The following ATRX variants were observed in gnomAD, a reference collection of about 807,000 sequenced individuals.
ATRX encodes chromatin remodeler ATRX.
Under a neutral mutation model 172.6 loss-of-function variants are expected in ATRX, and 12 were observed. The ratio of observed to expected loss-of-function variants is 0.07; its 90% confidence interval spans 0.04 to 0.11. ATRX has a LOEUF of 0.11. ATRX is among the 10% of genes least tolerant of loss of function. ATRX has a pLI of 1.00. For synonymous variants in ATRX, 674 were observed against 594.7 expected (o/e 1.13, Z -1.94); for missense variants, 1,368 against 1,767.4 (o/e 0.77, Z 4.05).
At chrX:77,721,260 C>G (rs1219644105) in intron 1 of ATRX, among the ~76,000 whole-genome samples, 1 of 111,503 alleles carries the variant, frequency 9.0e-6, no homozygotes, top group Non-Finnish European at 1.9e-5. Context: ...CCTTTGAAAC[C>G]CGGTACAAGA....
chrX:77,725,523 A>G (rs1255634700), intron 1 of ATRX, among the ~76,000 whole-genome samples: 1 of 112,051 alleles, frequency 8.9e-6, no homozygotes, highest in Non-Finnish European at 1.9e-5. Flanking sequence ...AAAACCCTAG[A>G]AGAAAACCTA....
intron 19 of ATRX, among the ~76,000 whole-genome samples, chrX:77,625,943 A>G (rs1231464896): frequency 9.7e-6 from 1 of 103,532 alleles, no homozygotes; most frequent in Admixed American, 1.1e-4. Flanking sequence ...GCACATGCAT[A>G]TTTATAGCAG....
intron 15 of ATRX, among the ~76,000 whole-genome samples, chrX:77,643,053 A>C (rs2068732803): frequency 8.9e-6 from 1 of 112,069 alleles, no homozygotes; most frequent in African/African-American, 3.3e-5. Flanking sequence ...ACCTACCAGA[A>C]GGTGAAGGTT....
chrX:77,627,336 TTCA>T (rs1266357403), intron 19 of ATRX, among the ~76,000 whole-genome samples: 4 of 112,524 alleles, frequency 3.6e-5, no homozygotes, highest in Non-Finnish European at 3.8e-5. Flanking sequence ...AAACATGTTA[TTCA>T]TCATATTAAA....
chrX:77,640,236 C>T lies in ATRX; in HGVS notation c.4558-4180G>A, dbSNP rs187526427. Among the ~76,000 whole-genome samples the T allele has an allele frequency of 6.3e-5, 7 of 111,370 alleles. No individual in the cohort carries two copies. In the East Asian group the frequency reaches 1.4e-3, roughly 22 times the overall value. ...CTATTGGGTACTATGTTCACTACCA[C>T]GGTGATGGGATCCACATCCCAAACC... is the stretch of plus-strand genomic sequence containing the variant. On this transcript the variant is annotated intron_variant, in intron 15 of 34. Transcript: ENST00000373344.
At chrX:77,610,406 T>C (rs1602808337) in intron 22 of ATRX, among the ~76,000 whole-genome samples, 1 of 111,935 alleles carries the variant, frequency 8.9e-6, no homozygotes, top group African/African-American at 3.2e-5. Context: ...CTGGAAGATA[T>C]GTCAGAATAT....
intron 30 of ATRX, among the ~76,000 whole-genome samples, chrX:77,527,465 A>G (rs1557044228): frequency 8.9e-6 from 1 of 112,163 alleles, no homozygotes; most frequent in East Asian, 2.8e-4. Flanking sequence ...CGCTTCTCCC[A>G]TGGATCTTTG....
At chrX:77,571,692 T>C (rs1557067481) in intron 28 of ATRX, among the ~76,000 whole-genome samples, 1 of 111,629 alleles carries the variant, frequency 9.0e-6, no homozygotes, top group Non-Finnish European at 1.9e-5. Flanking sequence ...TGAAACACTG[T>C]CAACTTCTTA....
chrX:77,605,307 A>G lies in ATRX; in HGVS notation c.5567-4743T>C, dbSNP rs1445793061. 2.7e-5 allele frequency among the ~76,000 whole-genome samples: 3 copies of G among 111,130 alleles called. No homozygotes were observed. In the East Asian group the frequency reaches 8.5e-4, roughly 31 times the overall value. ...GCCAAGCATGGTGGTGGGCGCCTGT[A>G]ATCCCAGCTACTTGGGAGGCTGAGG... is the stretch of plus-strand genomic sequence containing the variant. On this transcript the variant is annotated intron_variant, in intron 22 of 34. Transcript: ENST00000373344.
intron 19 of ATRX, among the ~76,000 whole-genome samples, chrX:77,629,957 C>T (rs1265107232): frequency 7.1e-5 from 8 of 112,117 alleles, no homozygotes; most frequent in African/African-American, 1.9e-4. Context: ...AAAACTAAAT[C>T]GCGTGCGTGC....
rs782204955 is a variant in ATRX, at chrX:77,593,679, T to C, written c.6110+17A>G. On this transcript the variant is annotated intron_variant, in intron 26 of 34. Transcript: ENST00000373344. ...TCAAAAGGTTAATTTATATAATAAA[T>C]ATGGTAAAGCACTTACACTTTATCC... 1.7e-6 allele frequency: 2 copies of C among 1,192,018 alleles called. No homozygotes were observed. Among genetic ancestry groups the C allele is most frequent in the African/African-American group, 1.7e-5 (1 of 57,389 alleles).
chrX:77,600,570 C>A lies in ATRX; in HGVS notation c.5567-6G>T. 1 of 1,209,409 alleles carries A rather than the reference C, an allele frequency of 8.3e-7. No individual in the cohort carries two copies. Among genetic ancestry groups the A allele is most frequent in the South Asian group, 1.8e-5 (1 of 56,935 alleles). ...TTCACTATTATTGCCCACACCTGAT[C>A]AAAAGAAATATGGTTAAAGACACAA... On this transcript the variant is annotated splice_region_variant and splice_polypyrimidine_tract_variant and intron_variant, in intron 22 of 34. Coordinates refer to ENST00000373344, the MANE Select transcript of ATRX (RefSeq NM_000489.6).
At chrX:77,511,566 A>T (rs1338080652) in intron 34 of ATRX, among the ~76,000 whole-genome samples, 3 of 111,878 alleles carry the variant, frequency 2.7e-5, no homozygotes, top group African/African-American at 9.7e-5. Context: ...AATTCAAGAT[A>T]ATATGGAGAA....
chrX:77,701,685 A>G (rs909422920), intron 2 of ATRX, among the ~76,000 whole-genome samples: 1 of 111,082 alleles, frequency 9.0e-6, no homozygotes, highest in African/African-American at 3.3e-5. Flanking sequence ...TTTCTATTCA[A>G]CTTTGCACTA....
intron 15 of ATRX, among the ~76,000 whole-genome samples, chrX:77,638,366 A>G (rs2068497537): frequency 8.9e-6 from 1 of 112,827 alleles, no homozygotes; most frequent in Admixed American, 9.3e-5. Context: ...CCAGCTACTC[A>G]GGAGGCTGAG....
At chrX:77,735,745 T>A (rs1339263220) in intron 1 of ATRX, among the ~76,000 whole-genome samples, 1 of 95,198 alleles carries the variant, frequency 1.1e-5, no homozygotes, top group Non-Finnish European at 2.1e-5. Context: ...GAGCTTGCAG[T>A]GAGCCGAGAT....
At chrX:77,723,953 C>T (rs1443721748) in intron 1 of ATRX, among the ~76,000 whole-genome samples, 1 of 111,341 alleles carries the variant, frequency 9.0e-6, no homozygotes, top group Non-Finnish European at 1.9e-5. Context: ...GTCCATCAAC[C>T]GCAGTACCAC....
Position 77,704,247 on chromosome X carries a change from G to A in ATRX, c.134-5618C>T, listed in dbSNP as rs782254983. 1.6e-4 allele frequency among the ~76,000 whole-genome samples: 18 copies of A among 111,385 alleles called. No homozygotes were observed. The South Asian group carries it at 6.1e-3, about 37-fold the overall frequency. On this transcript the variant is annotated intron_variant, in intron 2 of 34. Transcript: ENST00000373344. ...TAGAATGTGTGGCACCTCTTTGCAGGAAGGTCATCTTGTCACCTCTGCAGC... is the reference window on the plus strand; with the variant it reads ...TAGAATGTGTGGCACCTCTTTGCAGAAAGGTCATCTTGTCACCTCTGCAGC...
chrX:77,652,996 T>C (rs1184878800), intron 14 of ATRX, among the ~76,000 whole-genome samples: 2 of 102,879 alleles, frequency 1.9e-5, no homozygotes, highest in Non-Finnish European at 4.0e-5. Flanking sequence ...CATTAGGATG[T>C]TTCTTGTTAA....
Sources: gnomAD v4.1 joint callset for allele counts (sites outside exome capture counted in the v4.1 genomes callset) on GRCh38, gnomAD v4.1.1 for gene constraint, MANE v1.5 for transcripts, NCBI Gene and HGNC (gene_info 2026-07-23, HGNC 2026-07-21) for gene names.